KCNS3: variants seen among roughly 807,000 people sequenced by gnomAD.
The protein encoded by KCNS3 is potassium voltage-gated channel modifier subfamily S member 3, also known as delayed-rectifier potassium channel regulatory subunit KCNS3.
In KCNS3, 13 loss-of-function variants were observed where a neutral mutation model predicts 31.0. That is an observed-to-expected ratio of 0.42 (90% confidence interval 0.27 to 0.67). The LOEUF is 0.67. KCNS3 is among the 30% of genes least tolerant of loss of function. The pLI is 0.25. For missense variants in KCNS3, 545 were observed against 622.4 expected (o/e 0.88, Z 1.32); for synonymous variants, 238 against 241.5 (o/e 0.99, Z 0.13).
chr2:17,887,963 G>A (rs879526374), intron 1 of KCNS3, among the ~76,000 whole-genome samples: 1 of 151,968 alleles, frequency 6.6e-6, no homozygotes, highest in Non-Finnish European at 1.5e-5. Context: ...TTGGCCATTT[G>A]TATATCTTCT....
intron 2 of KCNS3, among the ~76,000 whole-genome samples, chr2:17,923,737 A>G (rs538685620): frequency 1.3e-5 from 2 of 151,906 alleles, no homozygotes; most frequent in African/African-American, 4.8e-5. Context: ...GACTCTTCTT[A>G]CCCCTGTTGA....
rs70964021 is a variant in KCNS3, at chr2:17,888,629, GTATATATATATATATATATA to G, written c.-252+9848_-252+9867del. ...GAACTTAAAGTATAATAAAAAAAAT[GTATATATATATATATATATA>G]TATATATATATATATATATATATAA... On this transcript the variant is annotated intron_variant, in intron 1 of 2. Coordinates refer to ENST00000304101, the MANE Select transcript of KCNS3 (RefSeq NM_002252.5). Among the ~76,000 whole-genome samples, 77 of 92,368 alleles carry G rather than the reference GTATATATATATATATATATA, an allele frequency of 8.3e-4. 1 individual carries two copies. The highest frequency in any genetic ancestry group is 2.1e-3 in the African/African-American group (47 of 22,244). The allele number at this position is 92,368 out of a possible 152,430, so 60.6% of individuals were successfully genotyped here. A position where few individuals can be genotyped will look rare whatever the true frequency, so the allele number is the denominator to read the frequency against.
intron 1 of KCNS3, among the ~76,000 whole-genome samples, chr2:17,879,671 T>A (rs1439088059): frequency 6.6e-6 from 1 of 152,210 alleles, no homozygotes; most frequent in East Asian, 1.9e-4. Flanking sequence ...GGGCTTGTCC[T>A]GCACCCCCAA....
intron 1 of KCNS3, among the ~76,000 whole-genome samples, chr2:17,897,984 A>G (rs951975800): frequency 6.6e-6 from 1 of 152,150 alleles, no homozygotes; most frequent in Non-Finnish European, 1.5e-5. Flanking sequence ...GTACATGGTT[A>G]TAAGTAGGGG....
Position 17,931,086 on chromosome 2 carries a change from G to T in KCNS3, c.78G>T (p.Gln26His). 2 of 1,614,150 alleles carry T rather than the reference G, an allele frequency of 1.2e-6. No homozygotes were observed. The highest frequency in any genetic ancestry group is 1.7e-6 in the Non-Finnish European group (2 of 1,180,026). Residue 26 changes from glutamine to histidine, a missense_variant, in exon 3 of 3, where the codon CAG (glutamine) becomes CAT (histidine). By Grantham distance (24) the Gln-to-His change is conservative. Transcript: ENST00000304101. The surrounding 1 kb of genome is among the most constrained non-coding windows in gnomAD (Gnocchi z 5.4). ...LVNLNVGGFKQSVDQSTLLRF... is the reference protein window; with the variant it reads ...LVNLNVGGFKHSVDQSTLLRF... ...ACCTGAATGTGGGGGGCTTTAAGCA[G>T]TCTGTTGACCAAAGCACCCTCCTGC...
intron 1 of KCNS3, among the ~76,000 whole-genome samples, chr2:17,892,009 C>T (rs906055232): frequency 6.6e-6 from 1 of 152,042 alleles, no homozygotes; most frequent in Admixed American, 6.6e-5. Context: ...TTATTGTTCC[C>T]CCAAATATGT....
chr2:17,882,190 G>A (rs2344695), intron 1 of KCNS3, among the ~76,000 whole-genome samples: 49,928 of 151,946 alleles, frequency 0.33, 8,863 homozygotes, highest in East Asian at 0.58. Flanking sequence ...TAGTGGATCT[G>A]GAGACTCCAG....
At chr2:17,909,962 A>G (rs79728317) in intron 1 of KCNS3, among the ~76,000 whole-genome samples, 1 of 152,196 alleles carries the variant, frequency 6.6e-6, no homozygotes, top group East Asian at 1.9e-4. Flanking sequence ...GCACATTTTA[A>G]CAGGATCTCT....
At position 17,932,048 on chromosome 2, in the gene KCNS3, A is replaced by C. The variant is rs767711051; in HGVS notation, c.1040A>C (p.Lys347Thr). 1.2e-6 allele frequency: 2 copies of C among 1,614,148 alleles called. No homozygotes were observed. Among genetic ancestry groups the C allele is most frequent in the South Asian group, 2.2e-5 (2 of 91,078 alleles). Residue 347 changes from lysine to threonine, a missense_variant, in exon 3 of 3, where the codon AAA becomes ACA. Coordinates refer to ENST00000304101, the MANE Select transcript of KCNS3 (RefSeq NM_002252.5). ...IFSVLIYSVE[K>T]DDHTSSLTSI... ...TCTGTGCTTATCTACTCCGTGGAGA[A>C]AGATGACCACACATCCAGCCTCACC...
At chr2:17,927,417 C>A (rs1366330815) in intron 2 of KCNS3, among the ~76,000 whole-genome samples, 1 of 152,154 alleles carries the variant, frequency 6.6e-6, no homozygotes, top group African/African-American at 2.4e-5. Context: ...TATAGCAGTA[C>A]CCCACTCTCT....
chr2:17,889,781 G>A (rs1356386745), intron 1 of KCNS3, among the ~76,000 whole-genome samples: 1 of 152,078 alleles, frequency 6.6e-6, no homozygotes, highest in East Asian at 1.9e-4. Flanking sequence ...ATGAAATCCA[G>A]TTGATCATGG....
chr2:17,892,903 T>G (rs1333398608), intron 1 of KCNS3, among the ~76,000 whole-genome samples: 1 of 152,230 alleles, frequency 6.6e-6, no homozygotes, highest in Non-Finnish European at 1.5e-5. Flanking sequence ...ATTTTTTTAC[T>G]GGTTGGCCGC....
chr2:17,896,759 C>T (rs887181809), intron 1 of KCNS3, among the ~76,000 whole-genome samples: 39 of 152,308 alleles, frequency 2.6e-4, no homozygotes, highest in African/African-American at 8.9e-4. Context: ...GGTATGGGCT[C>T]AGCCAGTCTG....
At position 17,899,054 on chromosome 2, in the gene KCNS3, C is replaced by T. The variant is rs534023799; in HGVS notation, c.-251-18626C>T. On this transcript the variant is annotated intron_variant, in intron 1 of 2. Transcript: ENST00000304101. ...CATCCCGGCCAACATGGTGAAACCC[C>T]GTCACCACTAAAAATACAAGAATTA... Among the ~76,000 whole-genome samples, 29 of 152,148 alleles carry T rather than the reference C, an allele frequency of 1.9e-4. No individual in the cohort carries two copies. The East Asian group carries it at 4.5e-3, about 23-fold the overall frequency.
intron 2 of KCNS3, among the ~76,000 whole-genome samples, chr2:17,922,884 A>G (rs11696049): frequency 0.21 from 32,021 of 151,930 alleles, 3,930 homozygotes; most frequent in East Asian, 0.47. Context: ...CTTTTTCGCT[A>G]TTATGAATAA....
At chr2:17,913,923 G>C (rs1450953892) in intron 1 of KCNS3, among the ~76,000 whole-genome samples, 2 of 152,170 alleles carry the variant, frequency 1.3e-5, no homozygotes, top group Non-Finnish European at 2.9e-5. Context: ...CCACAAGAAA[G>C]AATTACCTGA....
intron 1 of KCNS3, among the ~76,000 whole-genome samples, chr2:17,881,607 A>G (rs989896838): frequency 6.6e-6 from 1 of 152,258 alleles, no homozygotes; most frequent in Non-Finnish European, 1.5e-5. Flanking sequence ...ACAGGAGGAA[A>G]GAGAGACAAA....
In KCNS3 at chr2:17,931,090, G is replaced by A. The variant is rs1313395429; in HGVS notation, c.82G>A (p.Val28Ile). 6.2e-6 allele frequency: 10 copies of A among 1,614,180 alleles called. No homozygotes were observed. Among genetic ancestry groups the A allele is most frequent in the Non-Finnish European group, 6.8e-6 (8 of 1,180,034 alleles). Residue 28 changes from valine (V) to isoleucine (I), a missense_variant, in exon 3 of 3, where the codon GTT becomes ATT. Physicochemically the swap from Val to Ile is conservative, Grantham distance 29. Coordinates refer to ENST00000304101, the MANE Select transcript of KCNS3 (RefSeq NM_002252.5). The surrounding 1 kb of genome is among the most constrained non-coding windows in gnomAD (Gnocchi z 5.4). The stretch of plus-strand genomic sequence containing the variant: ...GAATGTGGGGGGCTTTAAGCAGTCT[G>A]TTGACCAAAGCACCCTCCTGCGGTT... ...NLNVGGFKQSVDQSTLLRFPH... is the reference protein window; with the variant it reads ...NLNVGGFKQSIDQSTLLRFPH...
At position 17,931,093 on chromosome 2, in the gene KCNS3, G is replaced by T; in HGVS notation, c.85G>T (p.Asp29Tyr). Residue 29 changes from aspartate (D) to tyrosine (Y), a missense_variant, in exon 3 of 3, where the codon GAC becomes TAC. Physicochemically the swap from Asp to Tyr is radical, Grantham distance 160 (BLOSUM62 -3). Transcript: ENST00000304101. The surrounding 1 kb of genome is among the most constrained non-coding windows in gnomAD (Gnocchi z 5.4). ...TGTGGGGGGCTTTAAGCAGTCTGTT[G>T]ACCAAAGCACCCTCCTGCGGTTTCC... is the stretch of plus-strand genomic sequence containing the variant. ...LNVGGFKQSV[D>Y]QSTLLRFPHT... The T allele has an allele frequency of 1.2e-6, 2 of 1,614,168 alleles. No homozygotes were observed. The highest frequency in any genetic ancestry group is 1.7e-6 in the Non-Finnish European group (2 of 1,180,036).
Sources: gnomAD v4.1 joint callset for allele counts (sites outside exome capture counted in the v4.1 genomes callset) on GRCh38, gnomAD v4.1.1 for gene constraint, Gnocchi (gnomAD v3.1) non-coding constraint, MANE v1.5 for transcripts, NCBI Gene and HGNC (gene_info 2026-07-23, HGNC 2026-07-21) for gene names.